NRXN3: variants seen among roughly 807,000 people sequenced by gnomAD.
NRXN3 encodes the protein neurexin III.
A neutral mutation model predicts 137.6 loss-of-function variants in NRXN3; 32 were observed. The observed-to-expected ratio is 0.23, with a 90% CI of 0.18 to 0.31. The LOEUF (loss-of-function observed/expected upper bound fraction) is 0.31, where lower values mean the gene tolerates loss of function less well. Ranked by LOEUF, NRXN3 falls within the 10% of genes least tolerant of loss-of-function variation. The probability of loss-of-function intolerance (pLI) is 1.00; values close to 1 mark genes in which losing one functional copy is unlikely to be tolerated. For synonymous variants in NRXN3, 798 were observed against 784.5 expected (o/e 1.02, Z -0.29); for missense variants, 1,574 against 2,062.5 (o/e 0.76, Z 4.59).
chr14:78,649,777 C>T (rs1040289783), intron 5 of NRXN3, among the ~76,000 whole-genome samples: 4 of 151,792 alleles, frequency 2.6e-5, no homozygotes, highest in Admixed American at 6.6e-5. Flanking sequence ...TATATGGCCA[C>T]GGCTGCCACA....
chr14:79,588,661 G>A (rs77689997), intron 16 of NRXN3, among the ~76,000 whole-genome samples: 10,822 of 152,236 alleles, frequency 0.071, 412 homozygotes, highest in Middle Eastern at 0.13. Flanking sequence ...GTTGATTAAG[G>A]AGCATCATAT....
intron 8 of NRXN3, among the ~76,000 whole-genome samples, chr14:78,767,801 C>G (rs1478261035): frequency 6.6e-6 from 1 of 152,112 alleles, no homozygotes; most frequent in African/African-American, 2.4e-5. Context: ...ACCTATTCAC[C>G]ATTCTTGAAC....
chr14:79,684,606 G>A (rs1183856289), intron 17 of NRXN3, among the ~76,000 whole-genome samples: 1 of 152,024 alleles, frequency 6.6e-6, no homozygotes, highest in Non-Finnish European at 1.5e-5. Flanking sequence ...TCCTGTTGTC[G>A]GGATGACAAT....
chr14:79,715,097 G>A (rs936292401), intron 19 of NRXN3, among the ~76,000 whole-genome samples: 2 of 152,106 alleles, frequency 1.3e-5, no homozygotes, highest in African/African-American at 2.4e-5. Flanking sequence ...GGGACTACAG[G>A]TGCCCACCAC....
chr14:78,788,106 T>G (rs1393356235), intron 8 of NRXN3, among the ~76,000 whole-genome samples: 1 of 152,196 alleles, frequency 6.6e-6, no homozygotes, highest in Non-Finnish European at 1.5e-5. Flanking sequence ...GTCCCACGGT[T>G]GCATGCCCGT....
intron 15 of NRXN3, among the ~76,000 whole-genome samples, chr14:79,047,184 TA>T (rs1160983396): frequency 6.6e-6 from 1 of 151,394 alleles, no homozygotes; most frequent in Non-Finnish European, 1.5e-5. Context: ...AACCCACTTT[TA>T]GTGTGGCACC....
At chr14:78,858,703 C>T (rs2099064137) in intron 10 of NRXN3, among the ~76,000 whole-genome samples, 2 of 152,134 alleles carry the variant, frequency 1.3e-5, no homozygotes, top group South Asian at 4.1e-4. Context: ...TCTCAGTGGA[C>T]TCAGGTTTCC....
intron 8 of NRXN3, among the ~76,000 whole-genome samples, chr14:78,737,630 AG>A: frequency 6.6e-6 from 1 of 151,856 alleles, no homozygotes; most frequent in African/African-American, 2.4e-5. Flanking sequence ...AAAGGGGGGG[AG>A]GGGTAGAAAT....
chr14:79,165,985 G>C (rs556250147), intron 15 of NRXN3, among the ~76,000 whole-genome samples: 2 of 152,080 alleles, frequency 1.3e-5, no homozygotes, highest in Admixed American at 6.6e-5. Context: ...CCATCACAAT[G>C]CAACTGGGGA....
chr14:79,271,948 G>A (rs2079395175), intron 15 of NRXN3, among the ~76,000 whole-genome samples: 3 of 152,148 alleles, frequency 2.0e-5, no homozygotes, highest in African/African-American at 7.2e-5. Flanking sequence ...TGAGGAAGCA[G>A]GCTCAAAAAG....
At chr14:79,831,819 T>C (rs535625318) in intron 20 of NRXN3, among the ~76,000 whole-genome samples, 15 of 152,294 alleles carry the variant, frequency 9.8e-5, no homozygotes, top group South Asian at 2.1e-4. Flanking sequence ...AGTTCAGAAC[T>C]TGAAGTCAGC....
intron 15 of NRXN3, among the ~76,000 whole-genome samples, chr14:79,206,704 TAAGG>T (rs923018982): frequency 6.6e-6 from 1 of 152,220 alleles, no homozygotes; most frequent in African/African-American, 2.4e-5. Context: ...CTTTAGCTAG[TAAGG>T]AGTGTTTGGT....
chr14:79,023,779 A>G (rs1216309287), intron 15 of NRXN3, among the ~76,000 whole-genome samples: 1 of 152,072 alleles, frequency 6.6e-6, no homozygotes, highest in African/African-American at 2.4e-5. Context: ...AGCATGGGGT[A>G]ACTGGCCCCA....
At chr14:79,357,531 T>G (rs985742341) in intron 15 of NRXN3, among the ~76,000 whole-genome samples, 1 of 152,054 alleles carries the variant, frequency 6.6e-6, no homozygotes, top group Non-Finnish European at 1.5e-5. Flanking sequence ...CCTTTGAGTA[T>G]TTACCGTTGA....
intron 1 of NRXN3, among the ~76,000 whole-genome samples, chr14:78,171,015 T>C (rs1395413660): frequency 6.6e-6 from 1 of 150,754 alleles, no homozygotes; most frequent in African/African-American, 2.4e-5. Flanking sequence ...TGAAATGATG[T>C]GTGCTCATCA....
At chr14:79,169,672 A>T (rs1265189334) in intron 15 of NRXN3, among the ~76,000 whole-genome samples, 1 of 152,134 alleles carries the variant, frequency 6.6e-6, no homozygotes, top group Non-Finnish European at 1.5e-5. Flanking sequence ...TATGCCCATA[A>T]TCCACTAAAT....
intron 4 of NRXN3, among the ~76,000 whole-genome samples, chr14:78,552,886 G>T (rs73324472): frequency 0.014 from 2,164 of 152,178 alleles, 41 homozygotes; most frequent in African/African-American, 0.05. Flanking sequence ...AAAATATTAA[G>T]ATAAACATTT....
intron 8 of NRXN3, among the ~76,000 whole-genome samples, chr14:78,789,570 C>A (rs1336814676): frequency 6.6e-6 from 1 of 152,088 alleles, no homozygotes; most frequent in African/African-American, 2.4e-5. Flanking sequence ...TCCTCCTGAA[C>A]CTTGAATTTT....
intron 6 of NRXN3, among the ~76,000 whole-genome samples, chr14:78,653,712 C>CACACACACACACACAT (rs1317273171): frequency 7.6e-6 from 1 of 131,994 alleles, no homozygotes; most frequent in Non-Finnish European, 1.6e-5. Flanking sequence ...AAATAAAATA[C>CACACACACACACACAT]ACACACACAC....
Sources: allele counts gnomAD v4.1 joint callset (sites outside exome capture counted in the v4.1 genomes callset), GRCh38; gene constraint gnomAD v4.1.1; transcripts MANE v1.5; gene names NCBI Gene and HGNC (gene_info 2026-07-23, HGNC 2026-07-21).